The following SATB2 variants were observed in gnomAD, a reference collection of about 807,000 sequenced individuals.
SATB2 encodes DNA-binding protein SATB2.
Under a neutral mutation model 73.4 loss-of-function variants are expected in SATB2, and 1 was observed. The ratio of observed to expected loss-of-function variants is 0.01; its 90% CI spans 0.00 to 0.06. The LOEUF (loss-of-function observed/expected upper bound fraction) is 0.06. SATB2 is among the 10% of genes least tolerant of loss of function. The probability of loss-of-function intolerance (pLI) is 1.00; values close to 1 mark genes in which losing one functional copy is unlikely to be tolerated. For synonymous variants in SATB2, 397 were observed against 367.0 expected, an observed-to-expected ratio of 1.08 and a Z score of -0.93; for missense variants, 459 against 945.8, an observed-to-expected ratio of 0.49 and a Z score of 6.75.
intron 3 of SATB2, among the ~76,000 whole-genome samples, chr2:199,409,327 C>T (rs1172000082): frequency 1.3e-5 from 2 of 151,976 alleles, no homozygotes; most frequent in Non-Finnish European, 2.9e-5. Context: ...TGTGCCACCA[C>T]GCCCGGCTAA....
At chr2:199,311,629 G>A (rs958233132) in intron 9 of SATB2, among the ~76,000 whole-genome samples, 1 of 152,080 alleles carries the variant, frequency 6.6e-6, no homozygotes, top group Non-Finnish European at 1.5e-5. Context: ...CCATATATAG[G>A]TATTTATTTT....
intron 7 of SATB2, among the ~76,000 whole-genome samples, chr2:199,336,072 GTT>G (rs1259129136): frequency 6.6e-6 from 1 of 152,028 alleles, no homozygotes; most frequent in East Asian, 1.9e-4. Flanking sequence ...CAACTTTAAT[GTT>G]TTTTGTTTGT....
At chr2:199,417,774 T>A (rs1019796917) in intron 3 of SATB2, among the ~76,000 whole-genome samples, 8 of 152,166 alleles carry the variant, frequency 5.3e-5, no homozygotes, top group African/African-American at 1.9e-4. Flanking sequence ...GTGTAAATAT[T>A]TAAGTACTCT....
intron 10 of SATB2, among the ~76,000 whole-genome samples, chr2:199,299,787 G>A (rs1687227493): frequency 6.6e-6 from 1 of 152,048 alleles, no homozygotes; most frequent in African/African-American, 2.4e-5. Flanking sequence ...CTAACAGCAG[G>A]CTTATCGATG....
intron 3 of SATB2, among the ~76,000 whole-genome samples, chr2:199,416,161 G>A (rs903298742): frequency 2.0e-5 from 3 of 152,138 alleles, no homozygotes; most frequent in East Asian, 3.9e-4. Context: ...TTCCATACAG[G>A]TGTGGTTCTA....
chr2:199,297,720 G>A (rs978224347), intron 10 of SATB2, among the ~76,000 whole-genome samples: 1 of 152,030 alleles, frequency 6.6e-6, no homozygotes, highest in African/African-American at 2.4e-5. Context: ...CAACTTTGTG[G>A]ATGCTAATGG....
chr2:199,323,125 G>C (rs769003784), intron 9 of SATB2, among the ~76,000 whole-genome samples: 1 of 152,018 alleles, frequency 6.6e-6, no homozygotes, highest in Admixed American at 6.6e-5. Context: ...AACTGTTGCT[G>C]CTTTCAGAAA....
At chr2:199,462,691 G>A (rs1692503659), upstream of SATB2, among the ~76,000 whole-genome samples, 1 of 152,180 alleles carries the variant, frequency 6.6e-6, no homozygotes, top group Non-Finnish European at 1.5e-5. This position sits in a 1 kb window ranked among gnomAD's most constrained non-coding sequence, Gnocchi z 5.9. Context: ...GAAGGAAGCC[G>A]TCGGCCGCCG....
intron 9 of SATB2, among the ~76,000 whole-genome samples, 182 bp downstream of exon 9, chr2:199,323,621 T>A (rs1400988232): frequency 6.6e-6 from 1 of 151,978 alleles, no homozygotes; most frequent in Non-Finnish European, 1.5e-5. Context: ...AAGTTTTGGC[T>A]TCATCTCTAT....
At chr2:199,395,749 T>C (rs1238193321) in intron 3 of SATB2, 1 of 152,244 alleles carries the variant, frequency 6.6e-6, no homozygotes, top group East Asian at 1.9e-4. Context: ...TTTGCAATTC[T>C]TGCCCTTGCT....
intron 7 of SATB2, chr2:199,347,850 T>A (rs1332704168): frequency 6.6e-6 from 1 of 152,090 alleles, no homozygotes; most frequent in African/African-American, 2.4e-5. Context: ...AAGGGCTAGG[T>A]AAGTTTTTCT....
At chr2:199,462,657 G>A (rs1350024749), upstream of SATB2, among the ~76,000 whole-genome samples, 3 of 152,184 alleles carry the variant, frequency 2.0e-5, no homozygotes, top group African/African-American at 7.2e-5. This position sits in a 1 kb window ranked among gnomAD's most constrained non-coding sequence, Gnocchi z 5.9. Flanking sequence ...GGCAGCTCAG[G>A]GGGTCTGGGC....
Position 199,272,708 on chromosome 2 carries a change from T to A in SATB2, c.1741-36A>T, listed in dbSNP as rs763100450. The stretch of plus-strand genomic sequence containing the variant: ...AGAGAGAAAAAAATGAACACTGGAC[T>A]CATGATTTTACCTTTCCAAAACCAT... On this transcript the variant is annotated intron_variant, in intron 10 of 10. Transcript: ENST00000417098. This position sits in a 1 kb window ranked among gnomAD's most constrained non-coding sequence, Gnocchi z 6.7. 6.3e-7 allele frequency: 1 copy of A among 1,579,986 alleles called. No homozygotes were observed. The highest frequency in any genetic ancestry group is 8.7e-7 in the Non-Finnish European group (1 of 1,149,010).
intron 3 of SATB2, among the ~76,000 whole-genome samples, chr2:199,417,196 T>C (rs1432366564): frequency 6.6e-6 from 1 of 151,700 alleles, no homozygotes; most frequent in African/African-American, 2.4e-5. Context: ...CAGGTAAAAG[T>C]GCACCAAAAT....
intron 3 of SATB2, among the ~76,000 whole-genome samples, chr2:199,401,106 T>C (rs975386958): frequency 1.3e-5 from 2 of 152,218 alleles, no homozygotes; most frequent in African/African-American, 4.8e-5. Flanking sequence ...ATTCATTCAT[T>C]CAATATTTCT....
rs200632115 is a variant in SATB2, at chr2:199,272,361, C to T, written c.2052G>A (p.Val684=). Residue 684 remains valine (V), a synonymous_variant, in exon 11 of 11, where the codon GTG becomes GTA. Transcript: ENST00000417098. The surrounding 1 kb of genome is among the most constrained non-coding windows in gnomAD (Gnocchi z 6.7). The part of the protein sequence containing the change: ...GKLKEHLGSA[V]DVAEYKDEEL... ...CCTCGTCCTTATATTCAGCCACGTCCACCGCGGAGCCCAGGTGCTCTTTCA... is the reference window on the plus strand; with the variant it reads ...CCTCGTCCTTATATTCAGCCACGTCTACCGCGGAGCCCAGGTGCTCTTTCA... The T allele has an allele frequency of 4.9e-5, 79 of 1,614,076 alleles. No individual in the cohort carries two copies. The highest frequency in any genetic ancestry group is 5.9e-5 in the Non-Finnish European group (70 of 1,180,048).
intron 10 of SATB2, among the ~76,000 whole-genome samples, chr2:199,299,573 G>A (rs991770425): frequency 3.3e-5 from 5 of 152,008 alleles, no homozygotes; most frequent in Admixed American, 3.3e-4. Flanking sequence ...GGAAAATGGA[G>A]GTCTATTTAA....
rs370399478 is a variant in SATB2 at position 199,363,252 on chromosome 2, C to T, written c.700+5353G>A. On this transcript the variant is annotated intron_variant, in intron 6 of 10. Coordinates refer to ENST00000417098, the MANE Select transcript of SATB2 (RefSeq NM_001172509.2). ...CAGTGACTATCACAATGAAAACACA[C>T]AAGGCTCTCCTATATGTTGAAAAAC... 3.9e-5 allele frequency among the ~76,000 whole-genome samples: 6 copies of T among 152,134 alleles called. No homozygotes were observed. In the East Asian group the frequency reaches 1.2e-3, roughly 29 times the overall value.
At chr2:199,433,686 C>G (rs554597664) in intron 2 of SATB2, among the ~76,000 whole-genome samples, 172 bp from the exon 3 acceptor site, 1 of 152,164 alleles carries the variant, frequency 6.6e-6, no homozygotes, top group Admixed American at 6.5e-5. Flanking sequence ...GGGTTTTCCC[C>G]CTCTATTATT....
Sources: allele counts gnomAD v4.1 joint callset (sites outside exome capture counted in the v4.1 genomes callset), GRCh38; gene constraint gnomAD v4.1.1; non-coding constraint Gnocchi (gnomAD v3.1); transcripts MANE v1.5; gene names NCBI Gene and HGNC (gene_info 2026-07-23, HGNC 2026-07-21).